Variants in DNAJC7 observed in about 807,000 individuals in gnomAD.
DNAJC7 encodes DnaJ heat shock protein family (Hsp40) member C7.
A neutral mutation model predicts 67.4 loss-of-function variants in DNAJC7; 18 were observed. That is an observed-to-expected ratio of 0.27 (90% CI 0.18 to 0.40). The LOEUF is 0.40. DNAJC7 is among the 10% of genes least tolerant of loss of function. DNAJC7 has a pLI of 1.00. For missense variants in DNAJC7, 419 were observed against 613.8 expected, an observed-to-expected ratio of 0.68 and a Z score of 3.35; for synonymous variants, 220 against 207.8, an observed-to-expected ratio of 1.06 and a Z score of -0.50.
chr17:41,989,622 T>A, intron 6 of DNAJC7, 65 bp from the exon 7 acceptor site: 2 of 1,577,426 alleles, frequency 1.3e-6, no homozygotes, highest in East Asian at 4.5e-5. Context: ...TACTACCATT[T>A]GTGGCCAGTT....
rs1169256588 is a variant in DNAJC7 at position 41,987,926 on chromosome 17, A to G, written c.919-16T>C. ...GTTTCCTAAGCTTCAGGAGAGAGAGAGCAATCATACTTCACACCTTTGGTG... is the reference window on the plus strand; with the variant it reads ...GTTTCCTAAGCTTCAGGAGAGAGAGGGCAATCATACTTCACACCTTTGGTG... On this transcript the variant is annotated splice_polypyrimidine_tract_variant and intron_variant, in intron 8 of 13. Coordinates refer to ENST00000457167, the MANE Select transcript of DNAJC7 (RefSeq NM_003315.4). The G allele has an allele frequency of 8.1e-6, 13 of 1,601,004 alleles. No individual in the cohort carries two copies. In the East Asian group the frequency reaches 2.5e-4, roughly 30 times the overall value.
At chr17:42,011,199 C>A (rs782025203) in intron 1 of DNAJC7, 1 of 152,194 alleles carries the variant, frequency 6.6e-6, no homozygotes, top group Non-Finnish European at 1.5e-5. Flanking sequence ...GTTCTCCAAA[C>A]TTCTAAAGTC....
chr17:41,996,343 G>T lies in DNAJC7; in HGVS notation c.373C>A (p.Leu125Met). The T allele has an allele frequency of 6.2e-7, 1 of 1,613,956 alleles. No individual in the cohort carries two copies. Among genetic ancestry groups the T allele is most frequent in the South Asian group, 1.1e-5 (1 of 91,080 alleles). ...ACRSFQRALE[L>M]DHKNAQAQQE... ...TGTGCCTGAGCATTTTTATGATCCA[G>T]TTCTAGGGCTCTCTGGAAGCTGCGA... Residue 125 changes from leucine to methionine, a missense_variant, in exon 4 of 14, where the codon CTG becomes ATG. Leu to Met is a conservative substitution (Grantham distance 15). Coordinates refer to ENST00000457167, the MANE Select transcript of DNAJC7 (RefSeq NM_003315.4).
rs782118074 is a variant in DNAJC7, at chr17:41,989,546, C to T, written c.611G>A (p.Arg204Gln). The T allele has an allele frequency of 1.7e-5, 28 of 1,613,770 alleles. No homozygotes were observed. Among genetic ancestry groups the T allele is most frequent in the Non-Finnish European group, 2.3e-5 (27 of 1,179,868 alleles). Residue 204 changes from arginine to glutamine, a missense_variant, in exon 7 of 14, where the codon CGA (arginine) becomes CAA (glutamine). Physicochemically the swap from Arg to Gln is conservative, Grantham distance 43. Transcript: ENST00000457167. ...EAQSVASDIL[R>Q]MDSTNADALY... ...AGCATCTGCATTGGTGGAATCCATT[C>T]GTAGAATGTCACTGCAATAGTCAGA...
rs782688087 is a variant in DNAJC7, at chr17:41,989,401, T to TA, written c.753+2dup. 6.2e-7 allele frequency: 1 copy of TA among 1,613,776 alleles called. No homozygotes were observed. Among genetic ancestry groups the TA allele is most frequent in the Non-Finnish European group, 8.5e-7 (1 of 1,179,818 alleles). The stretch of plus-strand genomic sequence containing the variant: ...CCAGTTAGGTCTGGTGACTAGAACT[T>TA]ACTCTGCAGGCAATGCAGGCCTTCT... On this transcript the variant is annotated splice_region_variant and intron_variant, in intron 7 of 13. Transcript: ENST00000457167.
chr17:42,004,546 T>C (rs1459192846), intron 1 of DNAJC7, among the ~76,000 whole-genome samples: 2 of 152,192 alleles, frequency 1.3e-5, no homozygotes, highest in Non-Finnish European at 2.9e-5. Flanking sequence ...CTTTTCATTT[T>C]AACTGACAGT....
At chr17:41,993,751 C>G (rs1393856050) in intron 5 of DNAJC7, among the ~76,000 whole-genome samples, 1 of 152,062 alleles carries the variant, frequency 6.6e-6, no homozygotes. Flanking sequence ...ATATCTAGAA[C>G]TTTTGGCCGG....
At chr17:42,010,205 C>T (rs1044232711) in intron 1 of DNAJC7, among the ~76,000 whole-genome samples, 3 of 151,296 alleles carry the variant, frequency 2.0e-5, no homozygotes, top group Admixed American at 1.3e-4. Context: ...CTTCCTAGGC[C>T]GGGTGCAGTG....
chr17:41,989,470 T>G lies in DNAJC7; in HGVS notation c.687A>C (p.Ala229=). The G allele has an allele frequency of 6.2e-7, 1 of 1,614,016 alleles. No homozygotes were observed. The highest frequency in any genetic ancestry group is 8.5e-7 in the Non-Finnish European group (1 of 1,179,892). The change falls in exon 7 of 14, where the codon GCA becomes GCC. Residue 229 remains alanine, a synonymous_variant. Coordinates refer to ENST00000457167, the MANE Select transcript of DNAJC7 (RefSeq NM_003315.4). ...TGAGAGCCTGTACGAAAAACTGAAC[T>G]GCCTTCTCAATACAATCTTCGTAAT... ...CLYYEDCIEK[A]VQFFVQALRM...
intron 12 of DNAJC7, among the ~76,000 whole-genome samples, chr17:41,980,200 C>A (rs1353557183): frequency 6.6e-6 from 1 of 151,826 alleles, no homozygotes; most frequent in African/African-American, 2.4e-5. Flanking sequence ...CAGGCGTGCG[C>A]CACCATGGCT....
chr17:41,986,530 CTTTTTTTTT>C (rs74268062), intron 9 of DNAJC7, among the ~76,000 whole-genome samples: 1 of 128,704 alleles, frequency 7.8e-6, no homozygotes, highest in Non-Finnish European at 1.7e-5. Context: ...CTCCCCCCGC[CTTTTTTTTT>C]TTTTTTTTTT....
At chr17:41,985,590 T>A (rs2051354590) in intron 9 of DNAJC7, 1 of 152,226 alleles carries the variant, frequency 6.6e-6, no homozygotes, top group Non-Finnish European at 1.5e-5. Context: ...TATCCTCACA[T>A]TTTAATTTTG....
chr17:42,016,794 T>A (rs950537495), intron 1 of DNAJC7: 2 of 266,126 alleles, frequency 7.5e-6, no homozygotes, highest in African/African-American at 4.7e-5. Context: ...CTTCCTTTTT[T>A]TCTCTGTCAT....
intron 1 of DNAJC7, among the ~76,000 whole-genome samples, chr17:42,007,459 G>A (rs1240777973): frequency 2.0e-5 from 3 of 152,014 alleles, no homozygotes; most frequent in African/African-American, 7.3e-5. Context: ...AAAGTAAAAG[G>A]AGCCCAGGAG....
intron 2 of DNAJC7, 28 bp from the exon 3 acceptor site, chr17:41,997,267 C>T (rs374205250): frequency 6.2e-7 from 1 of 1,607,978 alleles, no homozygotes; most frequent in Non-Finnish European, 8.5e-7. Flanking sequence ...GAACGTAAAA[C>T]AAAGTTTAGA....
intron 13 of DNAJC7, chr17:41,977,039 T>A (rs1555644972): frequency 1.6e-6 from 1 of 644,240 alleles, no homozygotes; most frequent in African/African-American, 1.8e-5. Context: ...GATGCCTCCC[T>A]GACCCTGCAG....
At chr17:41,992,904 C>T (rs2051547277) in intron 5 of DNAJC7, 1 of 152,122 alleles carries the variant, frequency 6.6e-6, no homozygotes, top group African/African-American at 2.4e-5. Flanking sequence ...CCCAAAAGAC[C>T]ACCTCTCAAG....
chr17:42,009,126 T>C (rs1475743191), intron 1 of DNAJC7, among the ~76,000 whole-genome samples: 3 of 152,258 alleles, frequency 2.0e-5, no homozygotes, highest in Admixed American at 1.3e-4. Context: ...AGCAAAGCTA[T>C]CTGCTACTCA....
intron 1 of DNAJC7, among the ~76,000 whole-genome samples, chr17:42,012,171 CGTAA>C (rs1375925748): frequency 2.6e-5 from 4 of 152,310 alleles, no homozygotes; most frequent in Non-Finnish European, 2.9e-5. Flanking sequence ...TGCTGAGACA[CGTAA>C]GTGTTTTCTC....
Sources: gnomAD v4.1 joint callset for allele counts (sites outside exome capture counted in the v4.1 genomes callset) on GRCh38, gnomAD v4.1.1 for gene constraint, MANE v1.5 for transcripts, NCBI Gene and HGNC (gene_info 2026-07-23, HGNC 2026-07-21) for gene names.